The following ZBTB8A variants were observed in gnomAD, a reference collection of about 807,000 sequenced individuals.
ZBTB8A encodes the protein zinc finger and BTB domain-containing protein 8A.
In ZBTB8A, 19 loss-of-function variants were observed where a neutral mutation model predicts 37.8. That is an observed-to-expected ratio of 0.50 (90% CI 0.35 to 0.74). The LOEUF is 0.74. ZBTB8A is among the 30% of genes least tolerant of loss of function. The pLI, the probability that ZBTB8A is intolerant of heterozygous loss-of-function variation, is 0.01. For synonymous variants in ZBTB8A, 181 were observed against 185.2 expected (o/e 0.98, Z 0.19); for missense variants, 394 against 537.8 (o/e 0.73, Z 2.65).
Position 32,601,909 on chromosome 1 carries a change from A to T in ZBTB8A, c.*1490A>T. On this transcript the variant is annotated 3_prime_UTR_variant, in exon 5 of 5. Transcript: ENST00000373510. ...GGTATGTTTTTATGTCACGTTATTT[A>T]TATGTAAATTTAAAGTATAAAACTA... 2.6e-6 allele frequency: 1 copy of T among 379,638 alleles called. No homozygotes were observed. The highest frequency in any genetic ancestry group is 4.6e-6 in the Non-Finnish European group (1 of 215,274). 23.5% of individuals were successfully genotyped at this position (379,638 alleles called of 1,614,324 possible).
chr1:32,589,694 T>C (rs1370296772), intron 2 of ZBTB8A, among the ~76,000 whole-genome samples: 1 of 151,372 alleles, frequency 6.6e-6, no homozygotes, highest in Non-Finnish European at 1.5e-5. Context: ...GGATTACAGG[T>C]AGGCACCGCC....
chr1:32,550,568 G>T (rs1159132219), intron 1 of ZBTB8A, among the ~76,000 whole-genome samples: 1 of 152,182 alleles, frequency 6.6e-6, no homozygotes, highest in Non-Finnish European at 1.5e-5. Context: ...AGGTTGCAGT[G>T]AGCCAAGATC....
intron 1 of ZBTB8A, among the ~76,000 whole-genome samples, chr1:32,552,541 C>T (rs546312659): frequency 8.5e-5 from 13 of 152,074 alleles, no homozygotes; most frequent in Non-Finnish European, 1.3e-4. Flanking sequence ...TGGTGTGTGC[C>T]GGTAATCCCA....
rs184055325 is a variant in ZBTB8A at position 32,552,211 on chromosome 1, A to G, written c.-83-1248A>G. ...AAACCTCATCTTTCTAAAAAATACA[A>G]AAATTAGCCAAGCTTGGTGGTGGGT... On this transcript the variant is annotated intron_variant, in intron 1 of 4. Coordinates refer to ENST00000373510, the MANE Select transcript of ZBTB8A (RefSeq NM_001040441.3). Among the ~76,000 whole-genome samples, 322 of 152,214 alleles carry G rather than the reference A, an allele frequency of 2.1e-3. 2 individuals carry two copies. The highest frequency in any genetic ancestry group is 7.3e-3 in the African/African-American group (305 of 41,520).
intron 2 of ZBTB8A, among the ~76,000 whole-genome samples, chr1:32,554,479 T>G (rs1644184371): frequency 7.2e-6 from 1 of 138,800 alleles, no homozygotes; most frequent in Admixed American, 7.1e-5. Context: ...TTTATTTATT[T>G]ATTTATTTAT....
At chr1:32,583,221 A>G (rs1426060686) in intron 2 of ZBTB8A, among the ~76,000 whole-genome samples, 1 of 151,968 alleles carries the variant, frequency 6.6e-6, no homozygotes, top group Non-Finnish European at 1.5e-5. Flanking sequence ...TCTACTAAAA[A>G]TACAGAAAAT....
intron 3 of ZBTB8A, among the ~76,000 whole-genome samples, chr1:32,594,500 C>T (rs139975007): frequency 1.3e-5 from 2 of 151,672 alleles, no homozygotes; most frequent in African/African-American, 2.4e-5. Context: ...CAGTGGCTCA[C>T]GCCTGTAATC....
rs764863884 is a variant in ZBTB8A at position 32,600,222 on chromosome 1, C to T, written c.1129C>T (p.Leu377Phe). The T allele has an allele frequency of 4.3e-6, 7 of 1,614,122 alleles. No homozygotes were observed. The highest frequency in any genetic ancestry group is 2.2e-5 in the East Asian group (1 of 44,880). The change falls in exon 5 of 5, where the codon CTC becomes TTC. Residue 377 changes from leucine to phenylalanine, a missense_variant. This residue lies in a region of ZBTB8A where 85 missense variants were observed against 89.0 expected (regional missense o/e 0.95). Coordinates refer to ENST00000373510, the MANE Select transcript of ZBTB8A (RefSeq NM_001040441.3). Reference protein sequence around the residue: ...ECLAEFGIDSLPIDLEAEQHL... With the variant: ...ECLAEFGIDSFPIDLEAEQHL... Reference sequence around the variant, plus strand: ...TCTTGCAGAATTTGGCATAGACAGCCTCCCCATTGACTTGGAAGCTGAACA... The same window carrying T: ...TCTTGCAGAATTTGGCATAGACAGCTTCCCCATTGACTTGGAAGCTGAACA...
intron 2 of ZBTB8A, among the ~76,000 whole-genome samples, chr1:32,560,165 T>C (rs922638372): frequency 6.6e-6 from 1 of 152,050 alleles, no homozygotes; most frequent in African/African-American, 2.4e-5. Flanking sequence ...CTATACAGTA[T>C]CAAGGGGGGA....
intron 1 of ZBTB8A, among the ~76,000 whole-genome samples, chr1:32,543,225 A>G (rs1276960557): frequency 1.3e-5 from 2 of 152,098 alleles, no homozygotes; most frequent in Admixed American, 6.6e-5. Flanking sequence ...CTGGGATTAC[A>G]GGCACCTGCC....
chr1:32,582,937 A>G (rs1644418807), intron 2 of ZBTB8A, among the ~76,000 whole-genome samples: 3 of 152,160 alleles, frequency 2.0e-5, no homozygotes, highest in Non-Finnish European at 4.4e-5. Flanking sequence ...GCCCATTACT[A>G]GTAGAACCTG....
intron 2 of ZBTB8A, among the ~76,000 whole-genome samples, chr1:32,585,117 A>G (rs1477662747): frequency 6.7e-6 from 1 of 149,410 alleles, no homozygotes; most frequent in Middle Eastern, 3.2e-3. Context: ...TGCAGCCTCA[A>G]CCTCCTGGGC....
chr1:32,539,894 G>C (rs1644037904), intron 1 of ZBTB8A, among the ~76,000 whole-genome samples: 1 of 149,990 alleles, frequency 6.7e-6, no homozygotes, highest in Admixed American at 6.6e-5. Context: ...CGTGTCTGGA[G>C]CCGTCGGGCG....
chr1:32,567,825 A>AAAAAAAAAAAC (rs1644294123), intron 2 of ZBTB8A, among the ~76,000 whole-genome samples: 6 of 63,672 alleles, frequency 9.4e-5, no homozygotes, highest in Non-Finnish European at 1.6e-4. Flanking sequence ...AAAAAAAAAC[A>AAAAAAAAAAAC]AAAACAAAAC....
chr1:32,596,817 A>G (rs1644535869), intron 4 of ZBTB8A, among the ~76,000 whole-genome samples: 1 of 152,104 alleles, frequency 6.6e-6, no homozygotes, highest in South Asian at 2.1e-4. Flanking sequence ...ACTTAGTCTA[A>G]TATGTTTTTA....
At chr1:32,564,545 C>T (rs1226391239) in intron 2 of ZBTB8A, among the ~76,000 whole-genome samples, 1 of 152,106 alleles carries the variant, frequency 6.6e-6, no homozygotes, top group Non-Finnish European at 1.5e-5. Context: ...GGTATAAATT[C>T]TCTATCCTCA....
At chr1:32,595,317 G>A in intron 4 of ZBTB8A, 94 bp downstream of exon 4, 2 of 1,273,080 alleles carry the variant, frequency 1.6e-6, no homozygotes, top group Non-Finnish European at 2.2e-6. Flanking sequence ...TGCCAGGCTG[G>A]AGTACAATGG....
intron 2 of ZBTB8A, among the ~76,000 whole-genome samples, chr1:32,577,444 C>T (rs1644371115): frequency 6.6e-6 from 1 of 151,566 alleles, no homozygotes; most frequent in Non-Finnish European, 1.5e-5. Context: ...GCCACTGAGC[C>T]CTGCCGTCAG....
chr1:32,582,297 A>G (rs1409592878), intron 2 of ZBTB8A, among the ~76,000 whole-genome samples: 2 of 152,126 alleles, frequency 1.3e-5, no homozygotes, highest in African/African-American at 4.8e-5. Context: ...AAATATCCCA[A>G]AATCCAAAAA....
Sources: allele counts gnomAD v4.1 joint callset (sites outside exome capture counted in the v4.1 genomes callset), GRCh38; gene constraint gnomAD v4.1.1; regional missense constraint gnomAD v4.1.1; transcripts MANE v1.5; gene names NCBI Gene and HGNC (gene_info 2026-07-23, HGNC 2026-07-21).